CTXND1: variants seen among roughly 807,000 people sequenced by gnomAD.
CTXND1 encodes the protein cortexin domain-containing 1 protein.
rs562274371 is a variant in CTXND1, at chr15:80,197,287, T to A, written c.*4483A>T. 1.8e-4 allele frequency: 27 copies of A among 152,284 alleles called. No homozygotes were observed. The highest frequency in any genetic ancestry group is 6.5e-4 in the African/African-American group (27 of 41,550). 9.4% of individuals were successfully genotyped at this position (152,284 alleles called of 1,614,324 possible). On this transcript the variant is annotated 3_prime_UTR_variant, in exon 3 of 3. Coordinates refer to ENST00000560778, the MANE Select transcript of CTXND1 (RefSeq NM_001352888.2). ...TTCTTGCTTATGTTGCCAGGCTGGTTTCAAACTCCTGGGCTCAAGCAATCT... is the reference window on the plus strand; with the variant it reads ...TTCTTGCTTATGTTGCCAGGCTGGTATCAAACTCCTGGGCTCAAGCAATCT...
chr15:80,232,144 C>T (rs975686684), intron 1 of CTXND1, among the ~76,000 whole-genome samples: 15 of 152,024 alleles, frequency 9.9e-5, no homozygotes, highest in African/African-American at 2.7e-4. Context: ...GGAATGCTGG[C>T]GACGTGCAAC....
chr15:80,231,774 AT>A lies in CTXND1; in HGVS notation c.-218+20232del, dbSNP rs547149341. ...CCAGCAATGAGAAAGAGAAAAGCAT[AT>A]TAACTTTTATTAAAAAATTTTCCAT... is the stretch of plus-strand genomic sequence containing the variant. On this transcript the variant is annotated intron_variant, in intron 1 of 2. Coordinates refer to ENST00000560778, the MANE Select transcript of CTXND1 (RefSeq NM_001352888.2). 6.1e-3 allele frequency among the ~76,000 whole-genome samples: 936 copies of A among 152,320 alleles called. 8 individuals carry two copies. Among genetic ancestry groups the A allele is most frequent in the African/African-American group, 0.021 (876 of 41,564 alleles).
In CTXND1 at chr15:80,202,010, C is replaced by T. The variant is rs966058071; in HGVS notation, c.-61G>A. On this transcript the variant is annotated 5_prime_UTR_variant, in exon 3 of 3. Coordinates refer to ENST00000560778, the MANE Select transcript of CTXND1 (RefSeq NM_001352888.2). The stretch of plus-strand genomic sequence containing the variant: ...CTCGGGTTTGACTGGTACCATTTTC[C>T]ACCCCTGCAGAGACAGCCACAGCAG... The T allele has an allele frequency of 1.0e-5, 4 of 398,630 alleles. No homozygotes were observed. The highest frequency in any genetic ancestry group is 1.8e-5 in the Non-Finnish European group (4 of 226,292). 24.7% of individuals were successfully genotyped at this position (398,630 alleles called of 1,614,324 possible).
intron 1 of CTXND1, among the ~76,000 whole-genome samples, chr15:80,242,483 G>A (rs1036069445): frequency 6.6e-6 from 1 of 152,208 alleles, no homozygotes; most frequent in Non-Finnish European, 1.5e-5. Flanking sequence ...TATCACAGGG[G>A]ACTGTGTTTG....
chr15:80,217,907 A>G (rs1420032065), intron 1 of CTXND1, among the ~76,000 whole-genome samples: 1 of 152,142 alleles, frequency 6.6e-6, no homozygotes, highest in African/African-American at 2.4e-5. Flanking sequence ...ATTGTAAAAC[A>G]CCCTGTGTGA....
chr15:80,242,003 G>A (rs1414830907), intron 1 of CTXND1, among the ~76,000 whole-genome samples: 1 of 152,214 alleles, frequency 6.6e-6, no homozygotes. Context: ...GCAGAGCAGT[G>A]AGCATTCCTG....
intron 1 of CTXND1, among the ~76,000 whole-genome samples, chr15:80,228,062 TC>T (rs777176662): frequency 3.3e-5 from 5 of 152,246 alleles, no homozygotes; most frequent in Non-Finnish European, 7.3e-5. Context: ...AAGGTTCACA[TC>T]TTCAAGGAAC....
chr15:80,236,834 T>C (rs893231899), intron 1 of CTXND1, among the ~76,000 whole-genome samples: 1 of 151,850 alleles, frequency 6.6e-6, no homozygotes, highest in East Asian at 1.9e-4. Context: ...ACTTAGTGCT[T>C]AGTGGCATGG....
chr15:80,220,150 T>TATCTATC (rs1567130841), intron 1 of CTXND1, among the ~76,000 whole-genome samples: 41 of 37,262 alleles, frequency 1.1e-3, no homozygotes, highest in East Asian at 2.2e-3. Context: ...ATCTATCATC[T>TATCTATC]ATCTATCTAT....
At chr15:80,224,443 A>C (rs1893351401) in intron 1 of CTXND1, among the ~76,000 whole-genome samples, 1 of 152,212 alleles carries the variant, frequency 6.6e-6, no homozygotes, top group Non-Finnish European at 1.5e-5. Flanking sequence ...CTTTTCAACA[A>C]CACCACACTT....
chr15:80,204,037 C>A (rs564292921), intron 1 of CTXND1, among the ~76,000 whole-genome samples: 48 of 147,912 alleles, frequency 3.2e-4, no homozygotes, highest in African/African-American at 1.1e-3. Context: ...GTGGTGCATG[C>A]CTGTAATCCC....
chr15:80,238,008 C>CAAAAAAAAA (rs57718635), intron 1 of CTXND1, among the ~76,000 whole-genome samples: 2 of 77,080 alleles, frequency 2.6e-5, no homozygotes, highest in African/African-American at 1.2e-4. Context: ...GACTCCATCT[C>CAAAAAAAAA]AAAAAAAAAA....
In CTXND1 at chr15:80,201,599, G is replaced by T; in HGVS notation, c.*171C>A. 1 of 394,696 alleles carries T rather than the reference G, an allele frequency of 2.5e-6. No individual in the cohort carries two copies. The highest frequency in any genetic ancestry group is 4.5e-6 in the Non-Finnish European group (1 of 224,116). 24.4% of individuals were successfully genotyped at this position (394,696 alleles called of 1,614,324 possible). ...CACCCACGGCACCCGGGCATTCCAC[G>T]CTGGTGCTCGAGGGAGGGCTGAGAG... On this transcript the variant is annotated 3_prime_UTR_variant, in exon 3 of 3. Coordinates refer to ENST00000560778, the MANE Select transcript of CTXND1 (RefSeq NM_001352888.2).
chr15:80,231,389 TA>T lies in CTXND1; in HGVS notation c.-218+20617del, dbSNP rs202093797. On this transcript the variant is annotated intron_variant, in intron 1 of 2. Transcript: ENST00000560778. The stretch of plus-strand genomic sequence containing the variant: ...TTGCCTGCCATTTTTATCCTGCATT[TA>T]AAAAAAAAGAAAAGAAAAAAAAAAA... Among the ~76,000 whole-genome samples, 777 of 146,566 alleles carry T rather than the reference TA, an allele frequency of 5.3e-3. 10 individuals carry two copies. The highest frequency in any genetic ancestry group is 0.018 in the African/African-American group (714 of 39,678).
At chr15:80,209,144 G>C (rs1274106390) in intron 1 of CTXND1, among the ~76,000 whole-genome samples, 1 of 152,160 alleles carries the variant, frequency 6.6e-6, no homozygotes, top group Non-Finnish European at 1.5e-5. Context: ...CATATCCCAG[G>C]GGAGGATTAT....
intron 1 of CTXND1, among the ~76,000 whole-genome samples, chr15:80,211,954 G>A (rs1176930722): frequency 6.6e-6 from 1 of 152,154 alleles, no homozygotes; most frequent in Non-Finnish European, 1.5e-5. Context: ...CAACTCCGTA[G>A]AAGACTATCC....
At chr15:80,226,451 T>C (rs540745042) in intron 1 of CTXND1, among the ~76,000 whole-genome samples, 1 of 152,294 alleles carries the variant, frequency 6.6e-6, no homozygotes, top group East Asian at 1.9e-4. Context: ...AAGTTGTCCC[T>C]CCCTGATCTC....
At chr15:80,248,541 A>G (rs1893659788) in intron 1 of CTXND1, among the ~76,000 whole-genome samples, 1 of 152,238 alleles carries the variant, frequency 6.6e-6, no homozygotes. Context: ...AGGCAGTTGT[A>G]GAAAAGGATT....
At chr15:80,209,551 T>C (rs933322982) in intron 1 of CTXND1, among the ~76,000 whole-genome samples, 6 of 152,242 alleles carry the variant, frequency 3.9e-5, no homozygotes, top group Non-Finnish European at 7.3e-5. Flanking sequence ...GCCGCTGGGC[T>C]GACCCAGTGT....
Sources: allele counts gnomAD v4.1 joint callset (sites outside exome capture counted in the v4.1 genomes callset), GRCh38; gene constraint gnomAD v4.1.1; transcripts MANE v1.5; gene names NCBI Gene and HGNC (gene_info 2026-07-23, HGNC 2026-07-21).